Variants in HNMT observed in about 807,000 individuals in gnomAD.
HNMT encodes the protein histamine N-methyltransferase.
HNMT carries 30 observed loss-of-function variants against 32.1 expected under a neutral mutation model. That is an observed-to-expected ratio of 0.93 (90% CI 0.70 to 1.27). The LOEUF (loss-of-function observed/expected upper bound fraction) is 1.27. HNMT is among the 50% of genes most tolerant of loss of function. The pLI is 0.00. For synonymous variants in HNMT, 125 were observed against 119.0 expected (o/e 1.05, Z -0.33); for missense variants, 327 against 346.0 (o/e 0.95, Z 0.43).
intron 2 of HNMT, among the ~76,000 whole-genome samples, chr2:137,990,947 C>T (rs947266406): frequency 6.6e-6 from 1 of 152,178 alleles, no homozygotes; most frequent in African/African-American, 2.4e-5. Context: ...AAAACTGTCC[C>T]CTTTCAGACA....
At position 137,964,550 on chromosome 2, in the gene HNMT, G is replaced by A; in HGVS notation, c.59G>A (p.Arg20Gln). The A allele has an allele frequency of 6.2e-7, 1 of 1,613,478 alleles. No homozygotes were observed. Reference sequence around the variant, plus strand: ...CACGGGAAATATGTTGAATCTTTCCGGAGGTTTCTCAACCATTCCACGGAA... The same window carrying A: ...CACGGGAAATATGTTGAATCTTTCCAGAGGTTTCTCAACCATTCCACGGAA... ...SDHGKYVESF[R>Q]RFLNHSTEHQ... The change falls in exon 1 of 6, where the codon CGG (arginine) becomes CAG (glutamine). Residue 20 changes from arginine (R) to glutamine (Q), a missense_variant. Physicochemically the swap from Arg to Gln is conservative, Grantham distance 43. Transcript: ENST00000280097.
chr2:137,995,710 C>G (rs1290349790), intron 2 of HNMT, among the ~76,000 whole-genome samples: 2 of 151,104 alleles, frequency 1.3e-5, no homozygotes, highest in African/African-American at 4.9e-5. Flanking sequence ...AGAGACACAA[C>G]AAAAAAAAGG....
intron 2 of HNMT, among the ~76,000 whole-genome samples, chr2:137,975,829 A>C (rs1465132326): frequency 6.6e-6 from 1 of 152,160 alleles, no homozygotes; most frequent in Non-Finnish European, 1.5e-5. Flanking sequence ...AAATACAGGG[A>C]ATTGAGGTAT....
intron 5 of HNMT, among the ~76,000 whole-genome samples, chr2:138,012,909 C>G (rs1313009475): frequency 6.6e-6 from 1 of 152,022 alleles, no homozygotes; most frequent in Non-Finnish European, 1.5e-5. Context: ...CCCACCTATC[C>G]CCCAGGTGAT....
chr2:137,987,708 C>A (rs1187485510), intron 2 of HNMT, among the ~76,000 whole-genome samples: 1 of 139,364 alleles, frequency 7.2e-6, no homozygotes, highest in Non-Finnish European at 1.5e-5. Context: ...GATTAATGAT[C>A]AAATCAGCTC....
At chr2:137,979,688 A>G (rs1306290820) in intron 2 of HNMT, among the ~76,000 whole-genome samples, 1 of 152,164 alleles carries the variant, frequency 6.6e-6, no homozygotes, top group Non-Finnish European at 1.5e-5. Context: ...ATAGTTTAAC[A>G]CTCAAGAGAA....
chr2:138,009,120 A>G (rs1681418280), intron 5 of HNMT, among the ~76,000 whole-genome samples: 1 of 152,098 alleles, frequency 6.6e-6, no homozygotes, highest in South Asian at 2.1e-4. Context: ...AAGAAGACAG[A>G]GATGTGGCCA....
chr2:137,990,230 G>A (rs1680777986), intron 2 of HNMT, among the ~76,000 whole-genome samples: 1 of 152,146 alleles, frequency 6.6e-6, no homozygotes, highest in African/African-American at 2.4e-5. Flanking sequence ...TTTACACATA[G>A]TTCTATGATT....
intron 2 of HNMT, among the ~76,000 whole-genome samples, chr2:137,987,022 G>T (rs1184334470): frequency 1.3e-5 from 2 of 152,138 alleles, no homozygotes; most frequent in African/African-American, 4.8e-5. Context: ...AAAAAAGAAA[G>T]AAAATACTAT....
At chr2:137,997,254 A>G (rs1242031513) in intron 2 of HNMT, among the ~76,000 whole-genome samples, 2 of 152,178 alleles carry the variant, frequency 1.3e-5, no homozygotes, top group African/African-American at 4.8e-5. Context: ...GAATGGGATA[A>G]AATTTCTGTG....
Position 138,014,157 on chromosome 2 carries a change from A to C in HNMT, c.*27A>C. ...TATCAATCACAAAAGTATATTCAAAAATTATATTTTGAACAACTCGAATCA... is the reference window on the plus strand; with the variant it reads ...TATCAATCACAAAAGTATATTCAAACATTATATTTTGAACAACTCGAATCA... On this transcript the variant is annotated 3_prime_UTR_variant, in exon 6 of 6. Transcript: ENST00000280097. 7.4e-7 allele frequency: 1 copy of C among 1,354,736 alleles called. No individual in the cohort carries two copies. Among genetic ancestry groups the C allele is most frequent in the Non-Finnish European group, 1.0e-6 (1 of 982,428 alleles). The allele number at this position is 1,354,736 out of a possible 1,614,324, so 83.9% of individuals were successfully genotyped here.
At chr2:137,966,422 A>G (rs999332057) in intron 1 of HNMT, among the ~76,000 whole-genome samples, 9 of 152,220 alleles carry the variant, frequency 5.9e-5, no homozygotes, top group African/African-American at 1.9e-4. Context: ...ATTTCGCTGT[A>G]TTAAAATAGC....
intron 2 of HNMT, among the ~76,000 whole-genome samples, chr2:137,970,560 A>C (rs2104925247): frequency 6.6e-6 from 1 of 152,310 alleles, no homozygotes; most frequent in East Asian, 1.9e-4. Context: ...AGTTTGTGCC[A>C]TTTAAAACCT....
At chr2:137,967,116 C>T (rs376924701) in intron 1 of HNMT, 21 of 780,116 alleles carry the variant, frequency 2.7e-5, no homozygotes, top group Admixed American at 5.1e-5. Context: ...TTGCTGTTAA[C>T]AAATAAAATA....
intron 2 of HNMT, among the ~76,000 whole-genome samples, chr2:137,987,601 CTTTTTTT>C (rs5834598): frequency 5.3e-4 from 37 of 70,286 alleles, no homozygotes; most frequent in African/African-American, 1.9e-3. Context: ...ACAATGGCCA[CTTTTTTT>C]TTTTTTTTTT....
chr2:137,998,825 C>T (rs992701789), intron 2 of HNMT, among the ~76,000 whole-genome samples: 5 of 152,074 alleles, frequency 3.3e-5, no homozygotes, highest in Admixed American at 6.6e-5. Flanking sequence ...TTCAAAATGT[C>T]GAATTTGAGA....
At chr2:138,010,479 A>C (rs1357132472) in intron 5 of HNMT, among the ~76,000 whole-genome samples, 2 of 143,648 alleles carry the variant, frequency 1.4e-5, no homozygotes, top group Non-Finnish European at 3.1e-5. Flanking sequence ...ACACACACAC[A>C]CACAGCAAAT....
chr2:137,996,590 T>C (rs1023215236), intron 2 of HNMT, among the ~76,000 whole-genome samples: 1 of 152,218 alleles, frequency 6.6e-6, no homozygotes, highest in African/African-American at 2.4e-5. Context: ...AAAATGACCA[T>C]ACTGCCCAAA....
intron 2 of HNMT, among the ~76,000 whole-genome samples, chr2:137,988,107 A>G (rs1680705060): frequency 6.6e-6 from 1 of 152,212 alleles, no homozygotes; most frequent in African/African-American, 2.4e-5. Context: ...CAAAATTCAG[A>G]ATATAAAACT....
Sources: gnomAD v4.1 joint callset for allele counts (sites outside exome capture counted in the v4.1 genomes callset) on GRCh38, gnomAD v4.1.1 for gene constraint, MANE v1.5 for transcripts, NCBI Gene and HGNC (gene_info 2026-07-23, HGNC 2026-07-21) for gene names.